The following FGD5 variants were observed in gnomAD, a reference collection of about 807,000 sequenced individuals.
FGD5 encodes FYVE, RhoGEF and PH domain containing 5, also known as FYVE, RhoGEF and PH domain-containing protein 5.
Under a neutral mutation model 133.4 loss-of-function variants are expected in FGD5, and 28 were observed. The ratio of observed to expected loss-of-function variants is 0.21; its 90% CI spans 0.16 to 0.29. The LOEUF (loss-of-function observed/expected upper bound fraction) is 0.29, where lower values mean the gene tolerates loss of function less well. FGD5 is among the 10% of genes least tolerant of loss of function. FGD5 has a pLI of 1.00. For missense variants in FGD5, 1,858 were observed against 1,895.2 expected (o/e 0.98, Z 0.36); for synonymous variants, 810 against 776.5 (o/e 1.04, Z -0.72).
chr3:14,899,297 G>A (rs530792517), intron 7 of FGD5, among the ~76,000 whole-genome samples: 3 of 152,152 alleles, frequency 2.0e-5, no homozygotes, highest in East Asian at 3.9e-4. Context: ...TGTCTGTGTT[G>A]GTGGCCTCCC....
intron 2 of FGD5, among the ~76,000 whole-genome samples, chr3:14,871,544 C>A (rs1479426945): frequency 6.6e-6 from 1 of 152,190 alleles, no homozygotes; most frequent in Non-Finnish European, 1.5e-5. Context: ...TGCTGCATTT[C>A]AGTACAGTAA....
At chr3:14,891,004 C>G (rs1348060127) in intron 4 of FGD5, among the ~76,000 whole-genome samples, 1 of 152,198 alleles carries the variant, frequency 6.6e-6, no homozygotes, top group African/African-American at 2.4e-5. Flanking sequence ...TATCTAGCAT[C>G]TGGGCTTGAA....
At chr3:14,914,380 C>T (rs146439649) in intron 11 of FGD5, among the ~76,000 whole-genome samples, 2 of 152,172 alleles carry the variant, frequency 1.3e-5, no homozygotes, top group Non-Finnish European at 2.9e-5. Flanking sequence ...TGGGAAGCCC[C>T]CCTACCCATT....
intron 1 of FGD5, among the ~76,000 whole-genome samples, chr3:14,859,852 TC>T (rs1334669674): frequency 6.6e-6 from 1 of 151,630 alleles, no homozygotes; most frequent in Non-Finnish European, 1.5e-5. Context: ...TGTTACAAGT[TC>T]CATCTGGGTC....
At chr3:14,913,679 A>G (rs930970827) in intron 11 of FGD5, among the ~76,000 whole-genome samples, 3 of 151,994 alleles carry the variant, frequency 2.0e-5, no homozygotes, top group Non-Finnish European at 4.4e-5. Context: ...TGCCCCTCTG[A>G]TCTCTGCACC....
At chr3:14,839,191 T>C (rs911028939) in intron 1 of FGD5, among the ~76,000 whole-genome samples, 1 of 152,222 alleles carries the variant, frequency 6.6e-6, no homozygotes, top group Non-Finnish European at 1.5e-5. Context: ...ATTTGACCCG[T>C]CATTTCTGAC....
At chr3:14,905,262 C>G (rs1263886711) in intron 9 of FGD5, among the ~76,000 whole-genome samples, 2 of 152,064 alleles carry the variant, frequency 1.3e-5, no homozygotes, top group Admixed American at 1.3e-4. Context: ...GAGTATCTGT[C>G]TTTGTGTAAT....
chr3:14,858,271 G>T (rs294636), intron 1 of FGD5, among the ~76,000 whole-genome samples: 128,935 of 151,538 alleles, frequency 0.85, 55,011 homozygotes, highest in East Asian at 0.98. Context: ...GTGAGAAGGA[G>T]GGATGGCTGA....
intron 1 of FGD5, among the ~76,000 whole-genome samples, chr3:14,855,450 C>T (rs1050775198): frequency 1.3e-5 from 2 of 152,164 alleles, no homozygotes; most frequent in Non-Finnish European, 2.9e-5. Context: ...TCCATAGTGG[C>T]TCTACTGATT....
In FGD5 at chr3:14,923,093, G is replaced by C; in HGVS notation, c.3855G>C (p.Leu1285=). 6.2e-7 allele frequency: 1 copy of C among 1,613,906 alleles called. No homozygotes were observed. The highest frequency in any genetic ancestry group is 8.5e-7 in the Non-Finnish European group (1 of 1,179,862). ...CSRNKYPLKY[L]KDRMAKVCDG... ...GGAACAAGTACCCGCTGAAGTACCT[G>C]AAGGACAGGATGGCCAAGGTCTGCG... The change falls in exon 16 of 20, where the codon CTG becomes CTC. Residue 1285 remains leucine (L), a synonymous_variant. Coordinates refer to ENST00000285046, the MANE Select transcript of FGD5 (RefSeq NM_152536.4).
At chr3:14,832,230 T>C (rs2036725296) in intron 1 of FGD5, among the ~76,000 whole-genome samples, 1 of 152,192 alleles carries the variant, frequency 6.6e-6, no homozygotes, top group African/African-American at 2.4e-5. Flanking sequence ...AACCTTGTAC[T>C]TTCTGCTGGG....
intron 4 of FGD5, among the ~76,000 whole-genome samples, chr3:14,881,663 G>A (rs145875717): frequency 2.0e-5 from 3 of 152,224 alleles, no homozygotes; most frequent in African/African-American, 7.2e-5. Context: ...TGAGCACTGG[G>A]TTCTATGGTG....
Position 14,880,686 on chromosome 3 carries a change from C to G in FGD5, c.2717+56C>G, listed in dbSNP as rs1398348365. The G allele has an allele frequency of 5.0e-6, 8 of 1,613,884 alleles. No individual in the cohort carries two copies. The Admixed American group carries it at 1.3e-4, about 27-fold the overall frequency. On this transcript the variant is annotated intron_variant, in intron 3 of 19. Transcript: ENST00000285046. ...GAGCTTATAAACAAAACGTCACCCT[C>G]CTGGGCTTACACAGGATGGGGATTA...
chr3:14,826,307 CT>C (rs2036597240), intron 1 of FGD5, among the ~76,000 whole-genome samples: 1 of 152,098 alleles, frequency 6.6e-6, no homozygotes, highest in South Asian at 2.1e-4. Flanking sequence ...TCTTCTTCCC[CT>C]CTTCTCCTCT....
chr3:14,828,757 A>G (rs919096753), intron 1 of FGD5, among the ~76,000 whole-genome samples: 10 of 151,786 alleles, frequency 6.6e-5, no homozygotes, highest in South Asian at 2.1e-4. Context: ...TGGTATATCC[A>G]GTTGGCTATG....
At chr3:14,885,291 TAGTG>T (rs1025571824) in intron 4 of FGD5, among the ~76,000 whole-genome samples, 14 of 151,190 alleles carry the variant, frequency 9.3e-5, no homozygotes, top group Non-Finnish European at 1.8e-4. Flanking sequence ...GCAAAACAGA[TAGTG>T]AGAAGAGAGG....
At chr3:14,897,693 G>A (rs1204637862) in intron 5 of FGD5, 24 bp downstream of exon 5, 2 of 1,570,106 alleles carry the variant, frequency 1.3e-6, no homozygotes, top group Non-Finnish European at 1.7e-6. Context: ...GGACCCCCGG[G>A]TTCCACTTTT....
chr3:14,844,204 TAAA>T (rs1168327274), intron 1 of FGD5, among the ~76,000 whole-genome samples: 298 of 17,150 alleles, frequency 0.017, 4 homozygotes, highest in East Asian at 0.03. Context: ...TAATAGGCAT[TAAA>T]AAAAAAAAAA....
Position 14,864,217 on chromosome 3 carries a change from A to C in FGD5, c.2615A>C (p.Glu872Ala), listed in dbSNP as rs1344893000. 3 of 1,613,428 alleles carry C rather than the reference A, an allele frequency of 1.9e-6. No homozygotes were observed. Among genetic ancestry groups the C allele is most frequent in the Non-Finnish European group, 2.5e-6 (3 of 1,179,892 alleles). Reference protein sequence around the residue: ...LTSDEEQRSSEEEDSASRDPS... With the variant: ...LTSDEEQRSSAEEDSASRDPS... ...TCGGATGAAGAGCAGAGAAGCTCGG[A>C]GGAGGAGGACAGTGCTTCAAGAGAC... The change falls in exon 2 of 20, where the codon GAG becomes GCG. Residue 872 changes from glutamate (E) to alanine (A), a missense_variant. Physicochemically the swap from Glu to Ala is moderately radical, Grantham distance 107. Coordinates refer to ENST00000285046, the MANE Select transcript of FGD5 (RefSeq NM_152536.4).
Sources: allele counts gnomAD v4.1 joint callset (sites outside exome capture counted in the v4.1 genomes callset), GRCh38; gene constraint gnomAD v4.1.1; transcripts MANE v1.5; gene names NCBI Gene and HGNC (gene_info 2026-07-23, HGNC 2026-07-21).